Variants in ZNF12 observed in about 807,000 individuals in gnomAD.
The protein encoded by ZNF12 is gonadotropin inducible transcription repressor 3.
In ZNF12, 34 loss-of-function variants were observed where a neutral mutation model predicts 66.6. The ratio of observed to expected loss-of-function variants is 0.51; its 90% CI spans 0.39 to 0.68. The LOEUF is 0.68. ZNF12 is among the 30% of genes least tolerant of loss of function. The pLI is 0.00. For synonymous variants in ZNF12, 320 were observed against 278.9 expected (o/e 1.15, Z -1.47); for missense variants, 697 against 826.9 (o/e 0.84, Z 1.93).
Position 6,691,223 on chromosome 7 carries a change from T to C in ZNF12, c.1719A>G (p.Gly573=). The change falls in exon 5 of 5, where the codon GGA becomes GGG. Residue 573 remains glycine, a synonymous_variant. Transcript: ENST00000405858. The stretch of plus-strand genomic sequence containing the variant: ...ATTCACTACATTCATAGGGCTTCTC[T>C]CCTGAATGAATTCTATGATGTATAG... ...YLTIHHRIHS[G]EKPYECSECG... is the part of the protein sequence containing the mutation. 2 of 1,614,134 alleles carry C rather than the reference T, an allele frequency of 1.2e-6. No individual in the cohort carries two copies. Among genetic ancestry groups the C allele is most frequent in the East Asian group, 2.2e-5 (1 of 44,868 alleles).
Position 6,692,859 on chromosome 7 carries a change from G to T in ZNF12, c.239-156C>A, listed in dbSNP as rs1010105379. On this transcript the variant is annotated intron_variant, in intron 4 of 4. Transcript: ENST00000405858. This position sits in a 1 kb window ranked among gnomAD's most constrained non-coding sequence, Gnocchi z 5.1. ...TTCCAAGTGTACTCTTCTCCTTTAT[G>T]CTTTTGCTTAAAATTACACACACAC... 6.6e-6 allele frequency among the ~76,000 whole-genome samples: 1 copy of T among 151,618 alleles called. No homozygotes were observed. The highest frequency in any genetic ancestry group is 2.4e-5 in the African/African-American group (1 of 41,138).
chr7:6,690,546 T>G lies in ZNF12; in HGVS notation c.*302A>C. On this transcript the variant is annotated 3_prime_UTR_variant, in exon 5 of 5. Coordinates refer to ENST00000405858, the MANE Select transcript of ZNF12 (RefSeq NM_016265.4). ...ATGTCTTCCACATTCCTTATACTGA[T>G]AGATTTCCCCTTGGCTATGATTTCC... 3.9e-6 allele frequency: 1 copy of G among 258,186 alleles called. No homozygotes were observed. The highest frequency in any genetic ancestry group is 7.4e-6 in the Non-Finnish European group (1 of 135,834). 16.0% of individuals were successfully genotyped at this position (258,186 alleles called of 1,614,324 possible).
In ZNF12 at chr7:6,697,913, C is replaced by T. The variant is rs972405422; in HGVS notation, c.16-102G>A. ...AAAATTAACCATGAACACTGTATACCTTTATTTTATGTTACAGACTGTCAA... is the reference window on the plus strand; with the variant it reads ...AAAATTAACCATGAACACTGTATACTTTTATTTTATGTTACAGACTGTCAA... On this transcript the variant is annotated intron_variant, in intron 2 of 4. Transcript: ENST00000405858. This position sits in a 1 kb window ranked among gnomAD's most constrained non-coding sequence, Gnocchi z 6.1. 3 of 1,283,272 alleles carry T rather than the reference C, an allele frequency of 2.3e-6. No individual in the cohort carries two copies. The African/African-American group carries it at 4.4e-5, about 19-fold the overall frequency. 79.5% of individuals were successfully genotyped at this position (1,283,272 alleles called of 1,614,324 possible).
In ZNF12 at chr7:6,697,613, TTTAAG is replaced by T; in HGVS notation, c.142+67_142+71del. On this transcript the variant is annotated intron_variant, in intron 3 of 4. Transcript: ENST00000405858. This position sits in a 1 kb window ranked among gnomAD's most constrained non-coding sequence, Gnocchi z 6.1. ...ATTACTCACATTCGTCCCATCAAAT[TTTAAG>T]TTAAAGTCATAAAATTTGTGAGAAA... The T allele has an allele frequency of 6.3e-7, 1 of 1,599,810 alleles. No homozygotes were observed. Among genetic ancestry groups the T allele is most frequent in the South Asian group, 1.1e-5 (1 of 89,090 alleles).
At position 6,688,721 on chromosome 7, in the gene ZNF12, A is replaced by G. The variant is rs1780024132; in HGVS notation, c.*2127T>C. ...AGCTCAGTGGTAAAGCAGTAAACCA[A>G]TCAGATGCTTAGCTATCAAGTAATC... is the stretch of plus-strand genomic sequence containing the variant. On this transcript the variant is annotated 3_prime_UTR_variant, in exon 5 of 5. Coordinates refer to ENST00000405858, the MANE Select transcript of ZNF12 (RefSeq NM_016265.4). This position sits in a 1 kb window ranked among gnomAD's most constrained non-coding sequence, Gnocchi z 4.3. 1 of 152,252 alleles carries G rather than the reference A, an allele frequency of 6.6e-6. No individual in the cohort carries two copies. Among genetic ancestry groups the G allele is most frequent in the Admixed American group, 6.5e-5 (1 of 15,288 alleles). 9.4% of individuals were successfully genotyped at this position (152,252 alleles called of 1,614,324 possible). A position where few individuals can be genotyped will look rare whatever the true frequency, so the allele number is the denominator to read the frequency against.
chr7:6,706,578 G>A lies in ZNF12; in HGVS notation c.-197C>T, dbSNP rs752902313. 4.5e-4 allele frequency: 210 copies of A among 461,628 alleles called. No homozygotes were observed. The highest frequency in any genetic ancestry group is 3.9e-3 in the African/African-American group (197 of 50,268). The allele number at this position is 461,628 out of a possible 1,614,324, so 28.6% of individuals were successfully genotyped here. On this transcript the variant is annotated 5_prime_UTR_variant, in exon 1 of 5. Transcript: ENST00000405858. ...CCAGAGGGGCCCGGGCCGGGCCTACGGGACAAATCCAGGCGGGGCGTCCCT... is the reference window on the plus strand; with the variant it reads ...CCAGAGGGGCCCGGGCCGGGCCTACAGGACAAATCCAGGCGGGGCGTCCCT...
chr7:6,690,761 C>A lies in ZNF12; in HGVS notation c.*87G>T. On this transcript the variant is annotated 3_prime_UTR_variant, in exon 5 of 5. Transcript: ENST00000405858. ...ATGTCCACACTAACCTGTGTGAACT[C>A]TCTGATGTACAAGGTGTTTGACTTC... is the stretch of plus-strand genomic sequence containing the variant. 3 of 1,336,090 alleles carry A rather than the reference C, an allele frequency of 2.2e-6. No homozygotes were observed. The highest frequency in any genetic ancestry group is 2.0e-6 in the Non-Finnish European group (2 of 995,256). 82.8% of individuals were successfully genotyped at this position (1,336,090 alleles called of 1,614,324 possible). A position where few individuals can be genotyped will look rare whatever the true frequency, so the allele number is the denominator to read the frequency against.
chr7:6,694,427 T>C (rs1353043709), intron 4 of ZNF12, among the ~76,000 whole-genome samples: 1 of 152,174 alleles, frequency 6.6e-6, no homozygotes, highest in Non-Finnish European at 1.5e-5. Context: ...CTGGGATCAC[T>C]ATATGCTGCC....
At position 6,692,349 on chromosome 7, in the gene ZNF12, G is replaced by GCTTA; in HGVS notation, c.592_593insTAAG (p.Pro198LeufsTer7). ...AAGACTTTCTTCATTTAGAGTATAA[G>GCTTA]GTTCCCCATTTTGATTAAATTCATA... On this transcript the variant is annotated frameshift_variant, in exon 5 of 5. Coordinates refer to ENST00000405858, the MANE Select transcript of ZNF12 (RefSeq NM_016265.4). LOFTEE classifies it high-confidence loss of function. This position sits in a 1 kb window ranked among gnomAD's most constrained non-coding sequence, Gnocchi z 5.1. 6.2e-7 allele frequency: 1 copy of GCTTA among 1,609,960 alleles called. No individual in the cohort carries two copies. The highest frequency in any genetic ancestry group is 8.5e-7 in the Non-Finnish European group (1 of 1,178,104).
At position 6,705,248 on chromosome 7, in the gene ZNF12, G is replaced by A. The variant is rs1382270338; in HGVS notation, c.-50-25C>T. 2 of 1,592,106 alleles carry A rather than the reference G, an allele frequency of 1.3e-6. No individual in the cohort carries two copies. Among genetic ancestry groups the A allele is most frequent in the Non-Finnish European group, 1.7e-6 (2 of 1,162,856 alleles). On this transcript the variant is annotated intron_variant, in intron 1 of 4. Coordinates refer to ENST00000405858, the MANE Select transcript of ZNF12 (RefSeq NM_016265.4). This position sits in a 1 kb window ranked among gnomAD's most constrained non-coding sequence, Gnocchi z 4.0. ...TCTGGGGAAGGAAAACCCAAGCCAT[G>A]GCGTTATGAGCGGTCTGGCCTGCCA...
chr7:6,689,543 T>C lies in ZNF12; in HGVS notation c.*1305A>G, dbSNP rs1193233539. 6.6e-6 allele frequency: 1 copy of C among 152,534 alleles called. No individual in the cohort carries two copies. Among genetic ancestry groups the C allele is most frequent in the Non-Finnish European group, 1.5e-5 (1 of 68,044 alleles). 9.4% of individuals were successfully genotyped at this position (152,534 alleles called of 1,614,324 possible). ...TATCTCACTTCCTTTTGAGGATAAA[T>C]GGATAACCAAACTCCGCCAGCAGAG... is the stretch of plus-strand genomic sequence containing the variant. On this transcript the variant is annotated 3_prime_UTR_variant, in exon 5 of 5. Transcript: ENST00000405858.
At chr7:6,693,517 T>C (rs1780106047) in intron 4 of ZNF12, among the ~76,000 whole-genome samples, 1 of 152,260 alleles carries the variant, frequency 6.6e-6, no homozygotes, top group Admixed American at 6.5e-5. Context: ...AAACTCATTC[T>C]GACCATGAAA....
Position 6,689,907 on chromosome 7 carries a change from T to TA in ZNF12, c.*940dup. On this transcript the variant is annotated 3_prime_UTR_variant, in exon 5 of 5. Transcript: ENST00000405858. Reference sequence around the variant, plus strand: ...AAATAAAAAACAGTAGAAAAAAAAATAGATACAAATGGGAATATTTTAAGT... The same window carrying TA: ...AAATAAAAAACAGTAGAAAAAAAAATAAGATACAAATGGGAATATTTTAAGT... 6.6e-6 allele frequency: 1 copy of TA among 152,368 alleles called. No individual in the cohort carries two copies. Among genetic ancestry groups the TA allele is most frequent in the East Asian group, 1.9e-4 (1 of 5,180 alleles). The allele number at this position is 152,368 out of a possible 1,614,324, so 9.4% of individuals were successfully genotyped here.
chr7:6,697,270 G>C lies in ZNF12; in HGVS notation c.238+69C>G. On this transcript the variant is annotated intron_variant, in intron 4 of 4. Transcript: ENST00000405858. This position sits in a 1 kb window ranked among gnomAD's most constrained non-coding sequence, Gnocchi z 6.1. ...TTTCTAGTCACTTCTAAAGGTTCGG[G>C]ACCATTAAAAAATCCCTGGGAAAAA... 1 of 1,220,958 alleles carries C rather than the reference G, an allele frequency of 8.2e-7. No homozygotes were observed. Among genetic ancestry groups the C allele is most frequent in the Admixed American group, 2.1e-5 (1 of 48,036 alleles). The allele number at this position is 1,220,958 out of a possible 1,614,324, so 75.6% of individuals were successfully genotyped here.
In ZNF12 at chr7:6,696,960, G is replaced by T. The variant is rs1027587484; in HGVS notation, c.238+379C>A. Among the ~76,000 whole-genome samples the T allele has an allele frequency of 6.7e-6, 1 of 150,358 alleles. No individual in the cohort carries two copies. The highest frequency in any genetic ancestry group is 6.7e-5 in the Admixed American group (1 of 15,026). ...CCAGAAACAGTCTCAGGCACTGCAC[G>T]GTAAAGATTAAAAAAAAAAAACCAG... On this transcript the variant is annotated intron_variant, in intron 4 of 4. Coordinates refer to ENST00000405858, the MANE Select transcript of ZNF12 (RefSeq NM_016265.4). This position sits in a 1 kb window ranked among gnomAD's most constrained non-coding sequence, Gnocchi z 4.0.
At chr7:6,702,462 C>CACACACAT (rs1780266582) in intron 2 of ZNF12, among the ~76,000 whole-genome samples, 2 of 72,530 alleles carry the variant, frequency 2.8e-5, no homozygotes, top group Non-Finnish European at 5.6e-5. Flanking sequence ...AAACTCCACA[C>CACACACAT]GCACCAGATT....
Position 6,691,634 on chromosome 7 carries a change from C to A in ZNF12, c.1308G>T (p.Pro436=). 1 of 1,613,334 alleles carries A rather than the reference C, an allele frequency of 6.2e-7. No homozygotes were observed. Among genetic ancestry groups the A allele is most frequent in the Non-Finnish European group, 8.5e-7 (1 of 1,179,716 alleles). ...THLRTHTGEK[P]YECNECGKFF... is the part of the protein sequence containing the mutation. ...ATTTTCCACACTCATTACATTCATA[C>A]GGTTTCTCTCCTGTGTGGGTCCTCA... The change falls in exon 5 of 5, where the codon CCG becomes CCT. Residue 436 remains proline (P), a synonymous_variant. Transcript: ENST00000405858.
intron 4 of ZNF12, among the ~76,000 whole-genome samples, chr7:6,694,913 C>G (rs1780131525): frequency 6.6e-6 from 1 of 152,146 alleles, no homozygotes; most frequent in South Asian, 2.1e-4. Flanking sequence ...GTTTTAATTA[C>G]TTCATGCAGC....
At chr7:6,694,455 AT>A (rs1351612032) in intron 4 of ZNF12, among the ~76,000 whole-genome samples, 2 of 152,214 alleles carry the variant, frequency 1.3e-5, no homozygotes, top group Non-Finnish European at 2.9e-5. Flanking sequence ...GATGACAGTC[AT>A]CTAACAAAAA....
Sources: gnomAD v4.1 joint callset for allele counts (sites outside exome capture counted in the v4.1 genomes callset) on GRCh38, gnomAD v4.1.1 for gene constraint, Gnocchi (gnomAD v3.1) non-coding constraint, MANE v1.5 for transcripts, NCBI Gene and HGNC (gene_info 2026-07-23, HGNC 2026-07-21) for gene names.